The following KIAA0319 variants were observed in gnomAD, a reference collection of about 807,000 sequenced individuals.
KIAA0319 encodes dyslexia-associated protein KIAA0319.
In KIAA0319, 83 loss-of-function variants were observed where a neutral mutation model predicts 108.4. The observed-to-expected ratio is 0.77, with a 90% CI of 0.64 to 0.92. The LOEUF (loss-of-function observed/expected upper bound fraction) is 0.92, where lower values mean the gene tolerates loss of function less well. Among genes scored for constraint, KIAA0319 ranks in the 40% least tolerant of loss-of-function variants. KIAA0319 has a pLI of 0.00. For synonymous variants in KIAA0319, 484 were observed against 510.4 expected (o/e 0.95, Z 0.70); for missense variants, 1,195 against 1,322.4 (o/e 0.90, Z 1.49).
intron 1 of KIAA0319, among the ~76,000 whole-genome samples, chr6:24,619,571 C>G (rs568901910): frequency 6.6e-6 from 1 of 152,008 alleles, no homozygotes; most frequent in Admixed American, 6.6e-5. Context: ...GAGACATACA[C>G]TGGGAGGCAT....
At chr6:24,564,130 C>T in intron 15 of KIAA0319, 72 bp downstream of exon 15, 1 of 1,589,466 alleles carries the variant, frequency 6.3e-7, no homozygotes, top group Non-Finnish European at 8.6e-7. Flanking sequence ...CTGGTCACAT[C>T]TGTCAGCGTA....
intron 19 of KIAA0319, among the ~76,000 whole-genome samples, chr6:24,551,963 T>A (rs1761577566): frequency 6.6e-6 from 1 of 152,072 alleles, no homozygotes; most frequent in African/African-American, 2.4e-5. Context: ...ATAGCAAAAA[T>A]TATAATAAAT....
Position 24,581,047 on chromosome 6 carries a change from T to G in KIAA0319, c.1192-34A>C, listed in dbSNP as rs1766454278. 5 of 1,366,748 alleles carry G rather than the reference T, an allele frequency of 3.7e-6. No individual in the cohort carries two copies. In the East Asian group the frequency reaches 1.1e-4, roughly 31 times the overall value. The allele number at this position is 1,366,748 out of a possible 1,614,324, so 84.7% of individuals were successfully genotyped here. On this transcript the variant is annotated intron_variant, in intron 6 of 20. Transcript: ENST00000378214. Reference sequence around the variant, plus strand: ...TAAAGAAAAGTTGTACAGTTCAACATGCAAGACGTGATGGGTCCACTACGT... The same window carrying G: ...TAAAGAAAAGTTGTACAGTTCAACAGGCAAGACGTGATGGGTCCACTACGT...
At chr6:24,552,765 CCAGCTAATTT>C (rs1340459653) in intron 19 of KIAA0319, among the ~76,000 whole-genome samples, 1 of 152,132 alleles carries the variant, frequency 6.6e-6, no homozygotes, top group African/African-American at 2.4e-5. Context: ...ACCACCACGC[CCAGCTAATTT>C]TGTATTTTCA....
intron 3 of KIAA0319, among the ~76,000 whole-genome samples, chr6:24,592,876 T>C (rs889244864): frequency 1.3e-5 from 2 of 151,908 alleles, no homozygotes; most frequent in Non-Finnish European, 2.9e-5. Context: ...TGGGGCTGAG[T>C]TGGGAGGACT....
chr6:24,624,835 T>C (rs1406980739), intron 1 of KIAA0319, among the ~76,000 whole-genome samples: 2 of 152,240 alleles, frequency 1.3e-5, no homozygotes, highest in Non-Finnish European at 2.9e-5. Flanking sequence ...TGCAATGTAA[T>C]GTGGGCTGAA....
At chr6:24,590,296 CAAA>C (rs60248624) in intron 3 of KIAA0319, among the ~76,000 whole-genome samples, 1 of 74,810 alleles carries the variant, frequency 1.3e-5, no homozygotes, top group Non-Finnish European at 3.0e-5. Flanking sequence ...AGAACGAAGG[CAAA>C]AAAAAAAAAA....
At chr6:24,575,698 G>C (rs1408699801) in intron 10 of KIAA0319, among the ~76,000 whole-genome samples, 1 of 151,488 alleles carries the variant, frequency 6.6e-6, no homozygotes, top group Non-Finnish European at 1.5e-5. Context: ...GGACTGGTGA[G>C]GCAAAATTTG....
Position 24,601,358 on chromosome 6 carries a change from C to T in KIAA0319, c.-105-150G>A, listed in dbSNP as rs890437874. ...AACCCAGGCAAACATCCACCTAGAG[C>T]GTTTGTTCAAATAGCCAGTATAGTT... On this transcript the variant is annotated intron_variant, in intron 1 of 20. Coordinates refer to ENST00000378214, the MANE Select transcript of KIAA0319 (RefSeq NM_014809.4). 5 of 1,305,896 alleles carry T rather than the reference C, an allele frequency of 3.8e-6. No individual in the cohort carries two copies. In the African/African-American group the frequency reaches 4.5e-5, roughly 12 times the overall value. 80.9% of individuals were successfully genotyped at this position (1,305,896 alleles called of 1,614,324 possible).
At chr6:24,554,669 G>A (rs1374193190) in intron 18 of KIAA0319, 38 bp from the exon 19 acceptor site, 3 of 1,379,822 alleles carry the variant, frequency 2.2e-6, no homozygotes, top group Non-Finnish European at 2.1e-6. Context: ...ATAGTTACAG[G>A]CTATTTGTAG....
chr6:24,600,755 C>A, intron 2 of KIAA0319: 2 of 1,133,186 alleles, frequency 1.8e-6, no homozygotes, highest in Admixed American at 2.3e-5. Flanking sequence ...GAAGTCTGGC[C>A]TTTCCAGCCA....
intron 4 of KIAA0319, among the ~76,000 whole-genome samples, chr6:24,585,359 C>T (rs1413173279): frequency 1.6e-4 from 24 of 151,758 alleles, no homozygotes; most frequent in Admixed American, 1.6e-3. Context: ...AGCTACATGC[C>T]TTCCTTATAA....
chr6:24,578,178 T>G lies in KIAA0319; in HGVS notation c.1437A>C (p.Glu479Asp). 6.2e-7 allele frequency: 1 copy of G among 1,612,152 alleles called. No homozygotes were observed. Among genetic ancestry groups the G allele is most frequent in the Non-Finnish European group, 8.5e-7 (1 of 1,178,350 alleles). Residue 479 changes from glutamate to aspartate, a missense_variant, in exon 9 of 21, where the codon GAA becomes GAC. By Grantham distance (45) the Glu-to-Asp change is conservative (BLOSUM62 2). Transcript: ENST00000378214. Reference protein sequence around the residue: ...HWEEINGPFIEEKTSVDSPVL... With the variant: ...HWEEINGPFIDEKTSVDSPVL... ...CGGGAGAGTCAACTGAAGTCTTCTC[T>G]TCTATGAAGGGCCCGTTTATTTCTT... is the stretch of plus-strand genomic sequence containing the variant.
In KIAA0319 at chr6:24,577,999, C is replaced by T. The variant is rs796900935; in HGVS notation, c.1505+111G>A. The T allele has an allele frequency of 4.3e-6, 5 of 1,156,824 alleles. No individual in the cohort carries two copies. The African/African-American group carries it at 7.8e-5, about 18-fold the overall frequency. The allele number at this position is 1,156,824 out of a possible 1,614,324, so 71.7% of individuals were successfully genotyped here. On this transcript the variant is annotated intron_variant, in intron 9 of 20. Coordinates refer to ENST00000378214, the MANE Select transcript of KIAA0319 (RefSeq NM_014809.4). ...CATGCAACCAAAACCCCCATGAAAG[C>T]CAAATCTCTTTTGATCAAAATAAGA...
rs996964226 is a variant in KIAA0319 at position 24,583,269 on chromosome 6, G to A, written c.1093+335C>T. Reference sequence around the variant, plus strand: ...GTGCACGCCACTTCCCTCTCATCCCGGTGGAATCTTCCCAGGTTCTATGGG... The same window carrying A: ...GTGCACGCCACTTCCCTCTCATCCCAGTGGAATCTTCCCAGGTTCTATGGG... On this transcript the variant is annotated intron_variant, in intron 5 of 20. Transcript: ENST00000378214. 1.7e-5 allele frequency: 17 copies of A among 1,007,838 alleles called. No homozygotes were observed. The South Asian group carries it at 3.6e-4, about 21-fold the overall frequency. 62.4% of individuals were successfully genotyped at this position (1,007,838 alleles called of 1,614,324 possible). A position where few individuals can be genotyped will look rare whatever the true frequency, so the allele number is the denominator to read the frequency against.
At chr6:24,627,153 T>G (rs1440820838) in intron 1 of KIAA0319, among the ~76,000 whole-genome samples, 1 of 152,234 alleles carries the variant, frequency 6.6e-6, no homozygotes, top group Non-Finnish European at 1.5e-5. Context: ...TAATATATCT[T>G]AGTAACAAAA....
At chr6:24,627,698 C>T (rs1249791695) in intron 1 of KIAA0319, among the ~76,000 whole-genome samples, 1 of 152,190 alleles carries the variant, frequency 6.6e-6, no homozygotes, top group Non-Finnish European at 1.5e-5. Context: ...CCAAAGTAAC[C>T]TTTCCTACTC....
Position 24,616,492 on chromosome 6 carries a change from G to A in KIAA0319, c.-105-15284C>T, listed in dbSNP as rs879466775. 2.6e-5 allele frequency among the ~76,000 whole-genome samples: 4 copies of A among 152,186 alleles called. 1 individual carries two copies. Among genetic ancestry groups the A allele is most frequent in the South Asian group, 4.1e-4 (2 of 4,824 alleles). On this transcript the variant is annotated intron_variant, in intron 1 of 20. Coordinates refer to ENST00000378214, the MANE Select transcript of KIAA0319 (RefSeq NM_014809.4). ...CCTGCCTCAGCCTCCCGAGTGGCTG[G>A]GACCATGCACGACACCACACCCAGC... is the stretch of plus-strand genomic sequence containing the variant.
chr6:24,558,769 C>A (rs533417174), intron 17 of KIAA0319, among the ~76,000 whole-genome samples: 1 of 152,316 alleles, frequency 6.6e-6, no homozygotes, highest in Non-Finnish European at 1.5e-5. Context: ...CTGCCAATAG[C>A]CATTATCTTG....
Sources: gnomAD v4.1 joint callset for allele counts (sites outside exome capture counted in the v4.1 genomes callset) on GRCh38, gnomAD v4.1.1 for gene constraint, MANE v1.5 for transcripts, NCBI Gene and HGNC (gene_info 2026-07-23, HGNC 2026-07-21) for gene names.